The following GSAP variants were observed in gnomAD, a reference collection of about 807,000 sequenced individuals.
GSAP encodes gamma-secretase-activating protein.
A neutral mutation model predicts 131.7 loss-of-function variants in GSAP; 118 were observed. The ratio of observed to expected loss-of-function variants is 0.90; its 90% CI spans 0.77 to 1.04. The LOEUF is 1.04. GSAP is among the 50% of genes least tolerant of loss of function. The pLI is 0.00. For missense variants in GSAP, 1,019 were observed against 1,013.2 expected, an observed-to-expected ratio of 1.01 and a Z score of -0.08; for synonymous variants, 381 against 363.4, an observed-to-expected ratio of 1.05 and a Z score of -0.55.
At chr7:77,376,935 A>T in intron 9 of GSAP, 28 bp from the exon 10 acceptor site, 4 of 1,233,608 alleles carry the variant, frequency 3.2e-6, no homozygotes, top group Non-Finnish European at 3.5e-6. Flanking sequence ...ATGGCATATT[A>T]AAAAACCAGG....
intron 12 of GSAP, among the ~76,000 whole-genome samples, chr7:77,371,098 C>T (rs1796051232): frequency 6.6e-6 from 1 of 151,794 alleles, no homozygotes; most frequent in African/African-American, 2.4e-5. Flanking sequence ...TTATTCATTG[C>T]CAGTCTTGAC....
At chr7:77,377,422 A>C in intron 8 of GSAP, 32 bp from the exon 9 acceptor site, 1 of 1,163,138 alleles carries the variant, frequency 8.6e-7, no homozygotes, top group Non-Finnish European at 1.2e-6. Flanking sequence ...AAAAAAAAAA[A>C]GTATGAATAA....
At position 77,355,537 on chromosome 7, in the gene GSAP, G is replaced by A. The variant is rs1250281660; in HGVS notation, c.1120+18C>T. ...ACTCAAATGGGCCACCTCTACAAGA[G>A]AAAAACTATAGCCGTACCTGTCAGA... On this transcript the variant is annotated intron_variant, in intron 15 of 30. Transcript: ENST00000257626. 6.3e-7 allele frequency: 1 copy of A among 1,583,120 alleles called. No homozygotes were observed. Among genetic ancestry groups the A allele is most frequent in the Non-Finnish European group, 8.7e-7 (1 of 1,153,248 alleles).
At chr7:77,368,306 TG>T (rs986032254) in intron 12 of GSAP, among the ~76,000 whole-genome samples, 4 of 152,028 alleles carry the variant, frequency 2.6e-5, no homozygotes, top group Non-Finnish European at 1.5e-5. Context: ...GCCCCTTCCC[TG>T]TGAGAGTGGC....
intron 1 of GSAP, among the ~76,000 whole-genome samples, chr7:77,410,851 T>C (rs1237286397): frequency 6.6e-6 from 1 of 152,128 alleles, no homozygotes; most frequent in Non-Finnish European, 1.5e-5. Flanking sequence ...TCCTAATACA[T>C]ACATCAAGAG....
At chr7:77,319,836 T>G (rs1787383693) in intron 26 of GSAP, among the ~76,000 whole-genome samples, 1 of 152,140 alleles carries the variant, frequency 6.6e-6, no homozygotes, top group South Asian at 2.1e-4. Context: ...GTAGTCAAAC[T>G]CATAGACACA....
At chr7:77,366,835 A>G (rs60834657) in intron 12 of GSAP, among the ~76,000 whole-genome samples, 28,663 of 152,090 alleles carry the variant, frequency 0.19, 2,853 homozygotes, top group South Asian at 0.29. Context: ...CATTTTAATG[A>G]TATTGATTCT....
chr7:77,351,069 G>C, intron 18 of GSAP: 1 of 928,238 alleles, frequency 1.1e-6, no homozygotes, highest in Non-Finnish European at 1.3e-6. Flanking sequence ...AAATGACCGA[G>C]ATTTTACTGA....
chr7:77,319,747 C>CTT (rs1427135024), intron 26 of GSAP, among the ~76,000 whole-genome samples: 1 of 132,824 alleles, frequency 7.5e-6, no homozygotes, highest in Non-Finnish European at 1.6e-5. Context: ...ATGGATGAAA[C>CTT]TTCAGGTCAT....
chr7:77,312,603 TAAAC>T (rs1794518755), intron 28 of GSAP, among the ~76,000 whole-genome samples: 2 of 152,330 alleles, frequency 1.3e-5, no homozygotes, highest in East Asian at 1.9e-4. Context: ...ACTGGGGAAA[TAAAC>T]AAATTTGGAG....
At chr7:77,413,658 A>G (rs1183223973) in intron 1 of GSAP, among the ~76,000 whole-genome samples, 1 of 152,230 alleles carries the variant, frequency 6.6e-6, no homozygotes, top group Non-Finnish European at 1.5e-5. Context: ...AAAATGAAAT[A>G]TTTTGCCCAT....
chr7:77,346,717 G>C (rs956190751), intron 19 of GSAP, among the ~76,000 whole-genome samples: 1 of 140,064 alleles, frequency 7.1e-6, no homozygotes, highest in Non-Finnish European at 1.6e-5. Flanking sequence ...CTCAAAAAAA[G>C]AAAAAAAAAA....
At chr7:77,354,796 TAATA>T (rs1394012103) in intron 16 of GSAP, among the ~76,000 whole-genome samples, 3 of 152,174 alleles carry the variant, frequency 2.0e-5, no homozygotes, top group African/African-American at 7.2e-5. Flanking sequence ...TGGAAGTACT[TAATA>T]AACTCTAATG....
At position 77,404,609 on chromosome 7, in the gene GSAP, TATC is replaced by T; in HGVS notation, c.190_192del (p.Asp64del). On this transcript the variant is annotated inframe_deletion, in exon 3 of 31. Coordinates refer to ENST00000257626, the MANE Select transcript of GSAP (RefSeq NM_017439.4). ...TATAATCCAAAGACGACATTTCCCT[TATC>T]ATCCTAAAAAAAATTAACCAGATGT... 6 of 1,533,834 alleles carry T rather than the reference TATC, an allele frequency of 3.9e-6. No individual in the cohort carries two copies. The highest frequency in any genetic ancestry group is 5.4e-6 in the Non-Finnish European group (6 of 1,109,998).
At chr7:77,358,186 T>C (rs4727363) in intron 14 of GSAP, among the ~76,000 whole-genome samples, 52,042 of 151,768 alleles carry the variant, frequency 0.34, 10,111 homozygotes, top group African/African-American at 0.53. Context: ...ACAAAAAATA[T>C]AAAAAATTAG....
At chr7:77,397,084 C>T (rs1003422395) in intron 4 of GSAP, 49 bp from the exon 5 acceptor site, 3 of 1,263,128 alleles carry the variant, frequency 2.4e-6, no homozygotes, top group Non-Finnish European at 3.4e-6. Flanking sequence ...CATATGGTAG[C>T]TTGTTAAAGT....
chr7:77,348,939 T>C (rs1376803717), intron 19 of GSAP, among the ~76,000 whole-genome samples: 1 of 150,406 alleles, frequency 6.6e-6, no homozygotes, highest in Non-Finnish European at 1.5e-5. Context: ...GGAAATTCTG[T>C]GTGTGTGTGT....
chr7:77,350,572 T>TAA (rs368824065), intron 18 of GSAP, among the ~76,000 whole-genome samples: 1,928 of 121,206 alleles, frequency 0.016, 48 homozygotes, highest in African/African-American at 0.05. Context: ...CCCGCTCTAC[T>TAA]AAAAAAAAAA....
At chr7:77,365,382 C>G (rs1795132173) in intron 12 of GSAP, among the ~76,000 whole-genome samples, 1 of 152,114 alleles carries the variant, frequency 6.6e-6, no homozygotes, top group Admixed American at 6.6e-5. Flanking sequence ...CCGCTCCCTC[C>G]TCCCACCCTC....
Sources: allele counts gnomAD v4.1 joint callset (sites outside exome capture counted in the v4.1 genomes callset), GRCh38; gene constraint gnomAD v4.1.1; transcripts MANE v1.5; gene names NCBI Gene and HGNC (gene_info 2026-07-23, HGNC 2026-07-21).